Variants in ECPAS observed in about 807,000 individuals in gnomAD.
The protein encoded by ECPAS is proteasome adapter and scaffold protein ECM29.
Under a neutral mutation model 255.1 loss-of-function variants are expected in ECPAS, and 70 were observed. The ratio of observed to expected loss-of-function variants is 0.27; its 90% CI spans 0.23 to 0.33. ECPAS has a LOEUF of 0.33. ECPAS is among the 10% of genes least tolerant of loss of function. The pLI, the probability that ECPAS is intolerant of heterozygous loss-of-function variation, is 1.00. For missense variants in ECPAS, 1,817 were observed against 2,206.4 expected, an observed-to-expected ratio of 0.82 and a Z score of 3.54; for synonymous variants, 784 against 775.0, an observed-to-expected ratio of 1.01 and a Z score of -0.19.
intron 16 of ECPAS, among the ~76,000 whole-genome samples, chr9:111,419,569 T>A (rs2098209945): frequency 6.6e-6 from 1 of 151,906 alleles, no homozygotes; most frequent in Non-Finnish European, 1.5e-5. Context: ...ATGCAACTTA[T>A]ACCTCATTTA....
Position 111,395,289 on chromosome 9 carries a change from T to A in ECPAS, c.2777-984A>T, listed in dbSNP as rs182122347. Among the ~76,000 whole-genome samples, 9 of 152,284 alleles carry A rather than the reference T, an allele frequency of 5.9e-5. No homozygotes were observed. In the East Asian group the frequency reaches 1.7e-3, roughly 29 times the overall value. ...ATGCCCAGGATATTATGTAGAGATG[T>A]TAAGACGGCTAAGACCTGGGCCCTA... On this transcript the variant is annotated intron_variant, in intron 25 of 49. Transcript: ENST00000684092.
At chr9:111,436,033 GA>G (rs1290825673) in intron 7 of ECPAS, among the ~76,000 whole-genome samples, 170 of 135,680 alleles carry the variant, frequency 1.3e-3, no homozygotes, top group African/African-American at 1.6e-3. Context: ...GTTTAAGGAG[GA>G]AAAAAAAAAA....
chr9:111,419,063 A>G (rs1486132448), intron 16 of ECPAS, among the ~76,000 whole-genome samples: 4 of 152,212 alleles, frequency 2.6e-5, no homozygotes. Context: ...CTTATAGTAA[A>G]GAAAATAAAT....
intron 39 of ECPAS, 107 bp downstream of exon 39, chr9:111,373,865 C>CA (rs2098130328): frequency 1.3e-6 from 1 of 796,964 alleles, no homozygotes; most frequent in Non-Finnish European, 2.1e-6. Context: ...AAAAGGCACA[C>CA]AGCATCACAA....
chr9:111,378,453 C>T, intron 36 of ECPAS, 127 bp downstream of exon 36: 2 of 934,786 alleles, frequency 2.1e-6, no homozygotes, highest in East Asian at 5.1e-5. Flanking sequence ...AACAGTAAAA[C>T]ACTGCATGTG....
intron 48 of ECPAS, chr9:111,365,673 AT>A (rs1260039934): frequency 6.6e-6 from 1 of 152,504 alleles, no homozygotes; most frequent in African/African-American, 2.4e-5. Flanking sequence ...CTCAAAAAAA[AT>A]AAAAATAAAA....
At chr9:111,478,512 G>C (rs2098299463) in intron 1 of ECPAS, among the ~76,000 whole-genome samples, 1 of 152,064 alleles carries the variant, frequency 6.6e-6, no homozygotes, top group Admixed American at 6.6e-5. Context: ...GGACAACAGT[G>C]CGAGACTCCA....
chr9:111,410,919 A>G, intron 22 of ECPAS, 61 bp downstream of exon 22: 1 of 1,494,662 alleles, frequency 6.7e-7, no homozygotes, highest in African/African-American at 1.4e-5. Flanking sequence ...GAAACGCCAT[A>G]TTAAAATTTA....
intron 1 of ECPAS, among the ~76,000 whole-genome samples, chr9:111,474,584 C>G (rs1011950607): frequency 6.6e-6 from 1 of 152,174 alleles, no homozygotes; most frequent in African/African-American, 2.4e-5. Context: ...ACTCATGTTA[C>G]GCTCCTGCTT....
chr9:111,411,938 T>C, intron 21 of ECPAS, 76 bp downstream of exon 21: 1 of 1,330,052 alleles, frequency 7.5e-7, no homozygotes, highest in Non-Finnish European at 9.9e-7. Context: ...AATGAGAACA[T>C]AAAAGTCAAA....
In ECPAS at chr9:111,417,864, C is replaced by T. The variant is rs1381436755; in HGVS notation, c.1683+19G>A. 4 of 1,538,360 alleles carry T rather than the reference C, an allele frequency of 2.6e-6. No individual in the cohort carries two copies. In the East Asian group the frequency reaches 7.2e-5, roughly 28 times the overall value. On this transcript the variant is annotated intron_variant, in intron 17 of 49. Coordinates refer to ENST00000684092, the MANE Select transcript of ECPAS (RefSeq NM_001364929.1). Reference sequence around the variant, plus strand: ...ATCCATTATGATTTAGACTAATTACCTTAAGTTGCATGCCATACCTTTTCT... The same window carrying T: ...ATCCATTATGATTTAGACTAATTACTTTAAGTTGCATGCCATACCTTTTCT...
At chr9:111,419,152 A>G (rs927062437) in intron 16 of ECPAS, among the ~76,000 whole-genome samples, 9 of 152,218 alleles carry the variant, frequency 5.9e-5, no homozygotes, top group African/African-American at 2.2e-4. Context: ...AAAATGGACC[A>G]TAAAAGTTTA....
At chr9:111,468,928 T>A (rs1029501020) in intron 2 of ECPAS, among the ~76,000 whole-genome samples, 1 of 152,142 alleles carries the variant, frequency 6.6e-6, no homozygotes, top group Admixed American at 6.5e-5. Context: ...ATACTAGTAT[T>A]TTCTGGTAGA....
rs114555324 is a variant in ECPAS, at chr9:111,444,733, C to T, written c.154-239G>A. Among the ~76,000 whole-genome samples, 1,426 of 152,252 alleles carry T rather than the reference C, an allele frequency of 9.4e-3. 19 individuals are homozygous for T. Among genetic ancestry groups the T allele is most frequent in the African/African-American group, 0.033 (1,358 of 41,544 alleles). Reference sequence around the variant, plus strand: ...CTCTTTTTCTTTTTATTTCCCAAGACGGAGTCTTGCTCTGTCGTGCAGGCT... The same window carrying T: ...CTCTTTTTCTTTTTATTTCCCAAGATGGAGTCTTGCTCTGTCGTGCAGGCT... On this transcript the variant is annotated intron_variant, in intron 3 of 49. Transcript: ENST00000684092.
chr9:111,453,849 G>A (rs879170728), intron 2 of ECPAS, among the ~76,000 whole-genome samples: 1 of 151,752 alleles, frequency 6.6e-6, no homozygotes, highest in Non-Finnish European at 1.5e-5. Context: ...AATAAGAAAA[G>A]ACTAAAAAAC....
intron 48 of ECPAS, among the ~76,000 whole-genome samples, chr9:111,364,120 T>C (rs1322871241): frequency 6.6e-6 from 1 of 152,182 alleles, no homozygotes; most frequent in Non-Finnish European, 1.5e-5. Flanking sequence ...TCTTTATCCA[T>C]AAAAGGATGC....
chr9:111,378,457 G>T, intron 36 of ECPAS, 123 bp downstream of exon 36: 1 of 963,846 alleles, frequency 1.0e-6, no homozygotes, highest in Non-Finnish European at 1.5e-6. Flanking sequence ...GTAAAACACT[G>T]CATGTGGTGA....
chr9:111,423,270 G>GA (rs1564535275), intron 12 of ECPAS, 22 bp from the exon 13 acceptor site: 1 of 1,487,106 alleles, frequency 6.7e-7, no homozygotes, highest in Non-Finnish European at 9.1e-7. Context: ...AAAAAGAAAA[G>GA]AAAGAAAAGA....
chr9:111,478,300 G>T (rs909904245), intron 1 of ECPAS, among the ~76,000 whole-genome samples: 1 of 151,820 alleles, frequency 6.6e-6, no homozygotes, highest in African/African-American at 2.4e-5. Context: ...AGGCAGAGGT[G>T]GGTGGATCAC....
Sources: gnomAD v4.1 joint callset for allele counts (sites outside exome capture counted in the v4.1 genomes callset) on GRCh38, gnomAD v4.1.1 for gene constraint, MANE v1.5 for transcripts, NCBI Gene and HGNC (gene_info 2026-07-23, HGNC 2026-07-21) for gene names.